Variants in MELK observed in about 807,000 individuals in gnomAD.
MELK encodes the protein pEg3 kinase.
MELK carries 81 observed loss-of-function variants against 85.0 expected under a neutral mutation model. That is an observed-to-expected ratio of 0.95 (90% CI 0.80 to 1.15). The LOEUF (loss-of-function observed/expected upper bound fraction) is 1.15, where lower values mean the gene tolerates loss of function less well. MELK is among the 50% of genes most tolerant of loss of function. MELK has a pLI of 0.00. For synonymous variants in MELK, 252 were observed against 265.0 expected (o/e 0.95, Z 0.48); for missense variants, 754 against 777.5 (o/e 0.97, Z 0.36).
chr9:36,644,510 T>C (rs1176229884), intron 11 of MELK, among the ~76,000 whole-genome samples: 1 of 152,184 alleles, frequency 6.6e-6, no homozygotes, highest in African/African-American at 2.4e-5. Context: ...ACACACAGAA[T>C]GTATCTGGAA....
At chr9:36,608,404 T>G (rs966747462) in intron 8 of MELK, among the ~76,000 whole-genome samples, 7 of 148,360 alleles carry the variant, frequency 4.7e-5, no homozygotes, top group African/African-American at 1.5e-4. Context: ...AAATTAAACT[T>G]TATCAAACTT....
At chr9:36,596,274 T>C (rs1019432550) in intron 5 of MELK, among the ~76,000 whole-genome samples, 8 of 152,116 alleles carry the variant, frequency 5.3e-5, no homozygotes, top group Non-Finnish European at 1.0e-4. Context: ...GTGAGTCTTA[T>C]GGGGAAGTGA....
intron 1 of MELK, among the ~76,000 whole-genome samples, chr9:36,578,642 A>G (rs181333589): frequency 2.0e-5 from 3 of 152,300 alleles, no homozygotes; most frequent in African/African-American, 4.8e-5. Context: ...ACAGCCTTGT[A>G]TGGAAACATT....
intron 4 of MELK, 46 bp from the exon 5 acceptor site, chr9:36,594,582 G>T: frequency 1.3e-6 from 2 of 1,580,804 alleles, no homozygotes; most frequent in South Asian, 1.2e-5. Flanking sequence ...TCTGTGAAGT[G>T]ATTTTTTAAG....
intron 7 of MELK, among the ~76,000 whole-genome samples, chr9:36,606,195 G>GTATATATACA (rs1232765470): frequency 6.6e-6 from 1 of 150,632 alleles, no homozygotes; most frequent in African/African-American, 2.4e-5. Flanking sequence ...CTCTCTCTAT[G>GTATATATACA]TATATATACA....
intron 13 of MELK, among the ~76,000 whole-genome samples, chr9:36,661,406 A>G (rs968630695): frequency 1.3e-5 from 2 of 152,212 alleles, no homozygotes; most frequent in African/African-American, 4.8e-5. Flanking sequence ...ATGTAATCTC[A>G]ACTTTTCAGT....
intron 7 of MELK, among the ~76,000 whole-genome samples, chr9:36,599,864 C>T (rs766776985): frequency 6.6e-6 from 1 of 152,174 alleles, no homozygotes; most frequent in Non-Finnish European, 1.5e-5. Context: ...AGAGCTGACT[C>T]TCCAAGGCCA....
At chr9:36,636,764 C>CTTTCTTTCTTTCTTTG in intron 10 of MELK, among the ~76,000 whole-genome samples, 3 of 119,566 alleles carry the variant, frequency 2.5e-5, no homozygotes, top group African/African-American at 1.1e-4. Context: ...TTCTTTCTTT[C>CTTTCTTTCTTTCTTTG]TTTCTTTCTT....
chr9:36,574,760 C>T (rs553415734), intron 1 of MELK, among the ~76,000 whole-genome samples: 3 of 152,242 alleles, frequency 2.0e-5, no homozygotes, highest in African/African-American at 7.2e-5. Flanking sequence ...TAAAAAATGC[C>T]CCCAATTTGT....
intron 16 of MELK, among the ~76,000 whole-genome samples, chr9:36,672,711 C>T (rs1240541637): frequency 2.6e-5 from 4 of 152,110 alleles, no homozygotes; most frequent in South Asian, 2.1e-4. Context: ...CAACCTCACA[C>T]GGCTGAGATG....
chr9:36,641,036 C>G (rs930962835), intron 10 of MELK, among the ~76,000 whole-genome samples: 5 of 152,136 alleles, frequency 3.3e-5, no homozygotes, highest in African/African-American at 4.8e-5. Context: ...GTTCTGAATA[C>G]TTCACTTTGA....
chr9:36,625,935 G>T (rs376905064), intron 8 of MELK, among the ~76,000 whole-genome samples: 2 of 151,848 alleles, frequency 1.3e-5, no homozygotes, highest in African/African-American at 4.8e-5. Context: ...TACATTCATC[G>T]CAGAATTGTT....
At position 36,596,536 on chromosome 9, in the gene MELK, C is replaced by T. The variant is rs1457690538; in HGVS notation, c.406-686C>T. ...CCTCCCAAAGTGCTGGGATTACAGG[C>T]GTGAGCCACTGCGCCCGGCCCTTTT... On this transcript the variant is annotated intron_variant, in intron 5 of 17. Transcript: ENST00000298048. Among the ~76,000 whole-genome samples, 5 of 149,564 alleles carry T rather than the reference C, an allele frequency of 3.3e-5. No homozygotes were observed. The East Asian group carries it at 7.8e-4, about 23-fold the overall frequency.
intron 15 of MELK, among the ~76,000 whole-genome samples, chr9:36,669,864 G>T (rs1257386914): frequency 1.3e-5 from 1 of 79,732 alleles, no homozygotes; most frequent in Non-Finnish European, 2.5e-5. Context: ...TAAAGGCATT[G>T]TCTATTTTCA....
At chr9:36,594,924 CTT>C (rs756955937) in intron 5 of MELK, among the ~76,000 whole-genome samples, 153 bp downstream of exon 5, 12 of 131,902 alleles carry the variant, frequency 9.1e-5, no homozygotes, top group Admixed American at 1.5e-4. Context: ...TTTCCTCTTA[CTT>C]TTTTTTTTTT....
intron 3 of MELK, among the ~76,000 whole-genome samples, chr9:36,586,692 G>A (rs1163206828): frequency 6.6e-6 from 1 of 152,120 alleles, no homozygotes; most frequent in African/African-American, 2.4e-5. Context: ...CAAACAAAAT[G>A]TTATTACAAA....
intron 4 of MELK, among the ~76,000 whole-genome samples, chr9:36,593,550 A>G (rs937903710): frequency 2.0e-5 from 3 of 152,204 alleles, no homozygotes; most frequent in South Asian, 2.1e-4. Context: ...TCTGTTGTTT[A>G]TAAATTACCC....
In MELK at chr9:36,668,033, G is replaced by A. The variant is rs563162332; in HGVS notation, c.1409-1277G>A. ...GATCCACCTGCCTCGGCCTCCCAAAGTGCTGGGATTACGGGGGTGAGCCCA... is the reference window on the plus strand; with the variant it reads ...GATCCACCTGCCTCGGCCTCCCAAAATGCTGGGATTACGGGGGTGAGCCCA... On this transcript the variant is annotated intron_variant, in intron 14 of 17. Transcript: ENST00000298048. 1.1e-4 allele frequency among the ~76,000 whole-genome samples: 16 copies of A among 152,312 alleles called. No individual in the cohort carries two copies. In the East Asian group the frequency reaches 1.3e-3, roughly 13 times the overall value.
chr9:36,615,451 C>T (rs1284400561), intron 8 of MELK, among the ~76,000 whole-genome samples: 6 of 143,860 alleles, frequency 4.2e-5, no homozygotes, highest in Non-Finnish European at 7.7e-5. Context: ...GGCTGACCCC[C>T]CCACCTCCCT....
Sources: allele counts gnomAD v4.1 joint callset (sites outside exome capture counted in the v4.1 genomes callset), GRCh38; gene constraint gnomAD v4.1.1; transcripts MANE v1.5; gene names NCBI Gene and HGNC (gene_info 2026-07-23, HGNC 2026-07-21).